AMMECR1: variants seen among roughly 807,000 people sequenced by gnomAD.
AMMECR1 encodes AMMECR nuclear protein 1, also known as nuclear protein AMMECR1.
In AMMECR1, 3 loss-of-function variants were observed where a neutral mutation model predicts 22.5. The observed-to-expected ratio is 0.13, with a 90% confidence interval of 0.06 to 0.35. The LOEUF is 0.35. Ranked by LOEUF, AMMECR1 falls within the 10% of genes least tolerant of loss-of-function variation. AMMECR1 has a pLI of 1.00. For missense variants in AMMECR1, 235 were observed against 278.7 expected (o/e 0.84, Z 1.12); for synonymous variants, 130 against 116.7 (o/e 1.11, Z -0.74).
intron 1 of AMMECR1, among the ~76,000 whole-genome samples, chrX:110,286,832 G>C (rs1334998850): frequency 1.8e-5 from 2 of 111,185 alleles, no homozygotes; most frequent in Non-Finnish European, 3.8e-5. Context: ...TCCTACATTA[G>C]TTACTACTGA....
intron 5 of AMMECR1, among the ~76,000 whole-genome samples, chrX:110,198,850 C>G (rs917069090): frequency 9.0e-6 from 1 of 111,577 alleles, no homozygotes; most frequent in Non-Finnish European, 1.9e-5. Flanking sequence ...TTGCACTCTA[C>G]TACTCCTTGT....
intron 1 of AMMECR1, among the ~76,000 whole-genome samples, chrX:110,277,424 G>T (rs751303459): frequency 9.3e-6 from 1 of 107,759 alleles, no homozygotes; most frequent in Non-Finnish European, 1.9e-5. Context: ...GTCATGGGGT[G>T]GGGGGCTGGG....
At chrX:110,383,822 T>C (rs894105722) in intron 2 of AMMECR1, among the ~76,000 whole-genome samples, 1 of 111,786 alleles carries the variant, frequency 8.9e-6, no homozygotes, top group African/African-American at 3.3e-5. Context: ...ACCATCCTTA[T>C]CATGGCAAAA....
intron 2 of AMMECR1, among the ~76,000 whole-genome samples, chrX:110,221,991 G>A (rs1338386639): frequency 1.8e-5 from 2 of 110,045 alleles, no homozygotes; most frequent in African/African-American, 6.6e-5. Flanking sequence ...CTTTTACACT[G>A]TTGGTGGGAC....
chrX:110,416,059 A>G (rs1433064667), intron 2 of AMMECR1, among the ~76,000 whole-genome samples: 1 of 110,666 alleles, frequency 9.0e-6, no homozygotes, highest in African/African-American at 3.3e-5. Flanking sequence ...CTCTGCCTTA[A>G]TTGGGTGCTT....
At chrX:110,214,411 C>T (rs1374690303) in intron 3 of AMMECR1, among the ~76,000 whole-genome samples, 1 of 111,576 alleles carries the variant, frequency 9.0e-6, no homozygotes, top group African/African-American at 3.3e-5. Flanking sequence ...CAGATGGTGA[C>T]CAAAGAGGAT....
chrX:110,340,672 G>A (rs757113178), intron 2 of AMMECR1, among the ~76,000 whole-genome samples: 2 of 112,283 alleles, frequency 1.8e-5, no homozygotes, highest in Non-Finnish European at 3.8e-5. Flanking sequence ...GACTGGAAAA[G>A]GTTGTATGGA....
chrX:110,336,201 A>G (rs1204217630), intron 2 of AMMECR1, among the ~76,000 whole-genome samples: 1 of 111,627 alleles, frequency 9.0e-6, no homozygotes. Context: ...ATCCTGCCTA[A>G]ACCAGTCTCA....
intron 2 of AMMECR1, among the ~76,000 whole-genome samples, chrX:110,361,040 G>A (rs1320484409): frequency 9.0e-6 from 1 of 110,547 alleles, no homozygotes; most frequent in Non-Finnish European, 1.9e-5. Context: ...CCAATTGCCT[G>A]CTGGACATAT....
At chrX:110,332,500 A>C (rs1030117051) in intron 2 of AMMECR1, among the ~76,000 whole-genome samples, 11 of 112,265 alleles carry the variant, frequency 9.8e-5, no homozygotes, top group African/African-American at 3.6e-4. Context: ...CATGCCTCAA[A>C]TTAAAAACTC....
At chrX:110,330,705 G>C (rs1213051792) in intron 2 of AMMECR1, among the ~76,000 whole-genome samples, 1 of 111,109 alleles carries the variant, frequency 9.0e-6, no homozygotes, top group African/African-American at 3.3e-5. Flanking sequence ...AGAAATATTG[G>C]ACTAAAACCC....
At chrX:110,347,796 C>G (rs1186405781) in intron 2 of AMMECR1, among the ~76,000 whole-genome samples, 2 of 112,239 alleles carry the variant, frequency 1.8e-5, no homozygotes, top group Non-Finnish European at 3.8e-5. Flanking sequence ...ATTACAACCT[C>G]CTGCTCAGAT....
At chrX:110,381,633 C>T (rs1431147649) in intron 2 of AMMECR1, among the ~76,000 whole-genome samples, 2 of 111,540 alleles carry the variant, frequency 1.8e-5, no homozygotes, top group African/African-American at 3.3e-5. Context: ...GTATGTTCAT[C>T]GCAGCACTAT....
chrX:110,433,137 T>C (rs1197954558), intron 1 of AMMECR1, among the ~76,000 whole-genome samples: 2 of 112,470 alleles, frequency 1.8e-5, no homozygotes, highest in African/African-American at 6.5e-5. Context: ...GCCTCAGTGA[T>C]TGCTGAAAAC....
intron 2 of AMMECR1, among the ~76,000 whole-genome samples, chrX:110,255,812 A>C (rs2067708160): frequency 8.9e-6 from 1 of 112,399 alleles, no homozygotes; most frequent in Non-Finnish European, 1.9e-5. Flanking sequence ...TATAGTTTCC[A>C]TATGTAGATT....
chrX:110,272,524 C>A (rs1235102113), intron 1 of AMMECR1, among the ~76,000 whole-genome samples: 1 of 111,817 alleles, frequency 8.9e-6, no homozygotes, highest in Non-Finnish European at 1.9e-5. Flanking sequence ...TCTTTATTTT[C>A]TTTTAGGTTT....
chrX:110,350,250 C>G (rs902902774), intron 2 of AMMECR1, among the ~76,000 whole-genome samples: 5 of 111,766 alleles, frequency 4.5e-5, no homozygotes, highest in African/African-American at 1.6e-4. Flanking sequence ...CCTGAGGTTT[C>G]CATCTTTGGT....
At chrX:110,203,000 T>C (rs2067404557) in intron 3 of AMMECR1, among the ~76,000 whole-genome samples, 1 of 112,094 alleles carries the variant, frequency 8.9e-6, no homozygotes, top group Middle Eastern at 4.2e-3. Context: ...GTCTACTCCG[T>C]TTAAAACATT....
intron 2 of AMMECR1, among the ~76,000 whole-genome samples, chrX:110,247,865 G>T (rs1055450999): frequency 4.5e-5 from 5 of 111,994 alleles, no homozygotes; most frequent in African/African-American, 1.6e-4. Flanking sequence ...CTGATAACAG[G>T]TTTCCAATAA....
Sources: gnomAD v4.1 joint callset for allele counts (sites outside exome capture counted in the v4.1 genomes callset) on GRCh38, gnomAD v4.1.1 for gene constraint, MANE v1.5 for transcripts, NCBI Gene and HGNC (gene_info 2026-07-23, HGNC 2026-07-21) for gene names.